CDH19: variants seen among roughly 807,000 people sequenced by gnomAD.
The protein encoded by CDH19 is cadherin-19.
CDH19 carries 67 observed loss-of-function variants against 64.2 expected under a neutral mutation model. The ratio of observed to expected loss-of-function variants is 1.04; its 90% CI spans 0.86 to 1.28. CDH19 has a LOEUF of 1.28. Ranked by LOEUF, CDH19 falls within the 50% of genes most tolerant of loss-of-function variation. The pLI is 0.00. For missense variants in CDH19, 1,030 were observed against 929.0 expected, an observed-to-expected ratio of 1.11 and a Z score of -1.41; for synonymous variants, 346 against 319.3, an observed-to-expected ratio of 1.08 and a Z score of -0.89.
chr18:66,517,061 A>T (rs1311135235), intron 9 of CDH19, among the ~76,000 whole-genome samples: 1 of 152,138 alleles, frequency 6.6e-6, no homozygotes, highest in Non-Finnish European at 1.5e-5. Flanking sequence ...TAACCATGGG[A>T]CATCTGAGTT....
Position 66,527,942 on chromosome 18 carries a change from A to C in CDH19, c.1458+1903T>G, listed in dbSNP as rs931111030. On this transcript the variant is annotated intron_variant, in intron 9 of 11. Transcript: ENST00000262150. ...ATATGTACATGAAATGAATGAAATAATTTACTATACTGGTACTAGAAATAT... is the reference window on the plus strand; with the variant it reads ...ATATGTACATGAAATGAATGAAATACTTTACTATACTGGTACTAGAAATAT... Among the ~76,000 whole-genome samples, 7 of 151,862 alleles carry C rather than the reference A, an allele frequency of 4.6e-5. No individual in the cohort carries two copies. The East Asian group carries it at 1.4e-3, about 29-fold the overall frequency.
At chr18:66,590,385 G>C (rs2144625534) in intron 1 of CDH19, among the ~76,000 whole-genome samples, 1 of 151,914 alleles carries the variant, frequency 6.6e-6, no homozygotes, top group South Asian at 2.1e-4. Flanking sequence ...CAGATACTGA[G>C]CATATTGAAG....
intron 4 of CDH19, among the ~76,000 whole-genome samples, chr18:66,553,242 A>G (rs1007532972): frequency 7.4e-6 from 1 of 134,608 alleles, no homozygotes; most frequent in Non-Finnish European, 1.5e-5. Context: ...AAATTTTGCA[A>G]TTTGTACCTT....
intron 3 of CDH19, among the ~76,000 whole-genome samples, chr18:66,554,940 G>A (rs1439002058): frequency 6.6e-6 from 1 of 151,700 alleles, no homozygotes; most frequent in Non-Finnish European, 1.5e-5. Flanking sequence ...AGTGGAGAAG[G>A]TTGATAAATA....
chr18:66,576,774 A>T (rs1988278855), intron 1 of CDH19, among the ~76,000 whole-genome samples: 1 of 151,666 alleles, frequency 6.6e-6, no homozygotes, highest in South Asian at 2.1e-4. Flanking sequence ...AAAAGATAAA[A>T]ATATGTTTAT....
chr18:66,505,090 G>T lies in CDH19; in HGVS notation c.2041C>A (p.Leu681Ile). The change falls in exon 12 of 12, where the codon CTA becomes ATA. Residue 681 changes from leucine to isoleucine, a missense_variant. Physicochemically the swap from Leu to Ile is conservative, Grantham distance 5. Transcript: ENST00000262150. The part of the protein sequence containing the change: ...RKTTSAEIRS[L>I]YRQSLQVGPD... ...CCAACTTGCAAAGACTGCCTGTATAGGCTCCTGATCTCAGCGCTTGTGGTT... is the reference window on the plus strand; with the variant it reads ...CCAACTTGCAAAGACTGCCTGTATATGCTCCTGATCTCAGCGCTTGTGGTT... 6.2e-7 allele frequency: 1 copy of T among 1,613,668 alleles called. No homozygotes were observed. The highest frequency in any genetic ancestry group is 1.7e-5 in the Admixed American group (1 of 59,942).
intron 5 of CDH19, among the ~76,000 whole-genome samples, chr18:66,548,479 T>A (rs562587719): frequency 1.9e-5 from 2 of 105,522 alleles, no homozygotes; most frequent in African/African-American, 9.3e-5. Flanking sequence ...TGTTCCGAAG[T>A]TTAAAGTATA....
chr18:66,597,162 TA>T (rs71169160), intron 1 of CDH19, among the ~76,000 whole-genome samples: 10,511 of 86,244 alleles, frequency 0.12, 1,142 homozygotes, highest in African/African-American at 0.27. Context: ...AATCTTAAGT[TA>T]AAAAAAAAAA....
intron 9 of CDH19, among the ~76,000 whole-genome samples, chr18:66,521,921 G>GTTGT (rs1986005776): frequency 4.5e-5 from 1 of 22,292 alleles, no homozygotes; most frequent in South Asian, 2.5e-3. Flanking sequence ...TTGTTCTGTT[G>GTTGT]TTGTTGTTGT....
chr18:66,580,051 TA>T (rs1470364555), intron 1 of CDH19, among the ~76,000 whole-genome samples: 1 of 152,076 alleles, frequency 6.6e-6, no homozygotes, highest in Non-Finnish European at 1.5e-5. Context: ...GTTCTTTTAT[TA>T]TTCACTTATG....
chr18:66,540,231 C>T (rs948280749), intron 7 of CDH19, among the ~76,000 whole-genome samples: 3 of 151,972 alleles, frequency 2.0e-5, no homozygotes, highest in African/African-American at 7.3e-5. Context: ...TCCTTTTTGT[C>T]CTGCTTGCTT....
chr18:66,554,642 A>T, intron 3 of CDH19, 118 bp from the exon 4 acceptor site: 1 of 691,266 alleles, frequency 1.4e-6, no homozygotes, highest in Non-Finnish European at 2.3e-6. Context: ...AGCTCAATTC[A>T]CCTCCTTGTT....
intron 9 of CDH19, among the ~76,000 whole-genome samples, chr18:66,522,677 T>C (rs1221383366): frequency 2.0e-5 from 3 of 151,398 alleles, no homozygotes; most frequent in Non-Finnish European, 2.9e-5. Flanking sequence ...TTCTTCTTTT[T>C]GGTATAGTTA....
At chr18:66,548,397 G>A (rs1317093387) in intron 5 of CDH19, among the ~76,000 whole-genome samples, 2 of 151,394 alleles carry the variant, frequency 1.3e-5, no homozygotes, top group East Asian at 1.9e-4. Flanking sequence ...GTAAAGCCAC[G>A]TGTCTGGATA....
chr18:66,515,099 TAATAAAC>T (rs1190974998), intron 9 of CDH19, among the ~76,000 whole-genome samples: 2 of 151,604 alleles, frequency 1.3e-5, no homozygotes, highest in East Asian at 3.9e-4. Flanking sequence ...GAAGTGCACT[TAATAAAC>T]AATAAAAAAA....
chr18:66,528,391 A>C (rs1029113729), intron 9 of CDH19, among the ~76,000 whole-genome samples: 1 of 152,146 alleles, frequency 6.6e-6, no homozygotes, highest in Non-Finnish European at 1.5e-5. Flanking sequence ...TTTCTAAAAT[A>C]GTTCAATTTT....
intron 8 of CDH19, among the ~76,000 whole-genome samples, chr18:66,533,680 G>A (rs1986544412): frequency 6.6e-6 from 1 of 151,862 alleles, no homozygotes; most frequent in Non-Finnish European, 1.5e-5. Flanking sequence ...TGCTTAATTT[G>A]GGAAGCTTTC....
At chr18:66,597,441 T>C (rs899367373) in intron 1 of CDH19, among the ~76,000 whole-genome samples, 9 of 152,004 alleles carry the variant, frequency 5.9e-5, no homozygotes, top group African/African-American at 2.2e-4. Flanking sequence ...CCTTCCACCA[T>C]ATAAAAAAAT....
At chr18:66,525,110 A>G (rs1488743833) in intron 9 of CDH19, among the ~76,000 whole-genome samples, 10 of 152,082 alleles carry the variant, frequency 6.6e-5, no homozygotes, top group African/African-American at 2.4e-4. Context: ...TTTGGTGATT[A>G]ACTGTTCCTT....
Sources: gnomAD v4.1 joint callset for allele counts (sites outside exome capture counted in the v4.1 genomes callset) on GRCh38, gnomAD v4.1.1 for gene constraint, MANE v1.5 for transcripts, NCBI Gene and HGNC (gene_info 2026-07-23, HGNC 2026-07-21) for gene names.